CFAP299: variants seen among roughly 807,000 people sequenced by gnomAD.
CFAP299 encodes the protein cilia and flagella associated protein 299.
CFAP299 carries 21 observed loss-of-function variants against 27.0 expected under a neutral mutation model. The observed-to-expected ratio is 0.78, with a 90% CI of 0.55 to 1.12. The LOEUF (loss-of-function observed/expected upper bound fraction) is 1.12. CFAP299 is among the 50% of genes most tolerant of loss of function. The probability of loss-of-function intolerance (pLI) is 0.00; values close to 1 mark genes in which losing one functional copy is unlikely to be tolerated. For missense variants in CFAP299, 310 were observed against 276.6 expected (o/e 1.12, Z -0.86); for synonymous variants, 104 against 98.1 (o/e 1.06, Z -0.36).
At position 80,794,505 on chromosome 4, in the gene CFAP299, C is replaced by G. The variant is rs373842735; in HGVS notation, c.334-75488C>G. On this transcript the variant is annotated intron_variant, in intron 3 of 5. Coordinates refer to ENST00000358105, the MANE Select transcript of CFAP299 (RefSeq NM_152770.3). Reference sequence around the variant, plus strand: ...ACCCCAGCCCTGCAAAGCACTGTCACGTAGTTGGCATTGTAATTGTGACTT... The same window carrying G: ...ACCCCAGCCCTGCAAAGCACTGTCAGGTAGTTGGCATTGTAATTGTGACTT... Among the ~76,000 whole-genome samples the G allele has an allele frequency of 4.6e-5, 7 of 152,242 alleles. No individual in the cohort carries two copies. In the East Asian group the frequency reaches 1.4e-3, roughly 29 times the overall value.
intron 2 of CFAP299, among the ~76,000 whole-genome samples, chr4:80,510,263 A>G (rs1237489776): frequency 1.3e-5 from 2 of 152,160 alleles, no homozygotes; most frequent in East Asian, 3.9e-4. Flanking sequence ...TCTTCTTTAC[A>G]AGAAGGATTT....
intron 3 of CFAP299, among the ~76,000 whole-genome samples, chr4:80,800,598 T>A (rs1221406347): frequency 1.1e-5 from 1 of 88,856 alleles, no homozygotes; most frequent in Non-Finnish European, 2.0e-5. Context: ...TATAATATAT[T>A]AATATAAATA....
chr4:80,873,037 C>T, intron 4 of CFAP299: 3 of 979,606 alleles, frequency 3.1e-6, no homozygotes, highest in Non-Finnish European at 3.6e-6. Flanking sequence ...TAATAAACCC[C>T]ATCCTTTTTG....
At chr4:80,519,391 T>C (rs1396871136) in intron 2 of CFAP299, among the ~76,000 whole-genome samples, 2 of 152,020 alleles carry the variant, frequency 1.3e-5, no homozygotes, top group African/African-American at 4.8e-5. Context: ...GTTATTAGTA[T>C]AGACGGAGTT....
intron 2 of CFAP299, among the ~76,000 whole-genome samples, chr4:80,501,497 TATATAAATATATGTAC>T (rs1229338354): frequency 1.4e-4 from 21 of 147,722 alleles, no homozygotes; most frequent in African/African-American, 4.9e-4. Flanking sequence ...TTATAATGTT[TATATAAATATATGTAC>T]ATATAAATAT....
chr4:80,888,367 GA>G (rs1578213982), intron 4 of CFAP299, among the ~76,000 whole-genome samples: 1 of 151,922 alleles, frequency 6.6e-6, no homozygotes, highest in Non-Finnish European at 1.5e-5. Context: ...TAGATTTCAA[GA>G]AAAAAGTGTG....
intron 3 of CFAP299, among the ~76,000 whole-genome samples, chr4:80,689,411 T>A (rs1157361283): frequency 6.6e-6 from 1 of 152,168 alleles, no homozygotes; most frequent in Non-Finnish European, 1.5e-5. Flanking sequence ...GAAAAGAATT[T>A]TCAACACAGA....
intron 3 of CFAP299, among the ~76,000 whole-genome samples, chr4:80,584,697 A>G (rs914220550): frequency 7.9e-5 from 12 of 152,140 alleles, no homozygotes; most frequent in African/African-American, 2.6e-4. Context: ...CCCTTAGTGA[A>G]TCAACAAAAC....
chr4:80,538,233 A>G (rs1733836065), intron 2 of CFAP299, among the ~76,000 whole-genome samples: 1 of 152,098 alleles, frequency 6.6e-6, no homozygotes, highest in South Asian at 2.1e-4. Context: ...AAAATACATA[A>G]AGTCTTATAG....
intron 3 of CFAP299, among the ~76,000 whole-genome samples, chr4:80,771,527 T>G (rs1204813453): frequency 6.6e-6 from 1 of 152,150 alleles, no homozygotes; most frequent in Non-Finnish European, 1.5e-5. Flanking sequence ...TTTATTGTTA[T>G]TTGGAGGTCT....
At chr4:80,767,556 C>T (rs1056924629) in intron 3 of CFAP299, among the ~76,000 whole-genome samples, 1 of 152,142 alleles carries the variant, frequency 6.6e-6, no homozygotes, top group African/African-American at 2.4e-5. Context: ...TTGCAGTGAG[C>T]CGAGATCGCC....
At chr4:80,349,390 T>G (rs181313406) in intron 1 of CFAP299, among the ~76,000 whole-genome samples, 13 of 152,336 alleles carry the variant, frequency 8.5e-5, no homozygotes, top group African/African-American at 3.1e-4. Context: ...GTTTTAATAT[T>G]TCACATGGAG....
At chr4:80,329,208 C>CACACATATATATATATATAG in the CFAP299 span, among the ~76,000 whole-genome samples, 1 of 136,042 alleles carries the variant, frequency 7.4e-6, no homozygotes, top group African/African-American at 2.9e-5. Context: ...ACACTGTATA[C>CACACATATATATATATATAG]ATATATATAT....
chr4:80,683,997 T>C (rs748048059), intron 3 of CFAP299, among the ~76,000 whole-genome samples: 55 of 152,222 alleles, frequency 3.6e-4, no homozygotes, highest in Non-Finnish European at 6.8e-4. Flanking sequence ...CAGGATCTTA[T>C]AGACTTCAAT....
chr4:80,950,066 G>T (rs1560489677), intron 5 of CFAP299, among the ~76,000 whole-genome samples: 1 of 152,098 alleles, frequency 6.6e-6, no homozygotes, highest in Non-Finnish European at 1.5e-5. Flanking sequence ...GGTACAGATA[G>T]AACTTATATT....
intron 3 of CFAP299, among the ~76,000 whole-genome samples, chr4:80,661,060 TC>T (rs75426200): frequency 0.076 from 11,503 of 152,090 alleles, 642 homozygotes; most frequent in East Asian, 0.22. Context: ...GCACGGTGGC[TC>T]ACACCTGTAA....
chr4:80,574,901 G>T (rs1469267247), intron 2 of CFAP299, among the ~76,000 whole-genome samples: 1 of 152,112 alleles, frequency 6.6e-6, no homozygotes, highest in Non-Finnish European at 1.5e-5. Context: ...GTTCATCAGG[G>T]ATATTGGCCT....
chr4:80,823,914 G>C (rs1729841166), intron 3 of CFAP299, among the ~76,000 whole-genome samples: 1 of 151,990 alleles, frequency 6.6e-6, no homozygotes, highest in Non-Finnish European at 1.5e-5. Flanking sequence ...TGCTGTGTAA[G>C]GGTTTGCTAT....
intron 4 of CFAP299, among the ~76,000 whole-genome samples, chr4:80,888,767 A>G (rs1734096383): frequency 6.6e-6 from 1 of 152,006 alleles, no homozygotes; most frequent in African/African-American, 2.4e-5. Flanking sequence ...ACAATATCAA[A>G]CATGTTCTGA....
Sources: gnomAD v4.1 joint callset for allele counts (sites outside exome capture counted in the v4.1 genomes callset) on GRCh38, gnomAD v4.1.1 for gene constraint, MANE v1.5 for transcripts, NCBI Gene and HGNC (gene_info 2026-07-23, HGNC 2026-07-21) for gene names.